CEP68: variants seen among roughly 807,000 people sequenced by gnomAD.
The protein encoded by CEP68 is centrosomal protein 68, also known as centrosomal protein of 68 kDa.
CEP68 carries 26 observed loss-of-function variants against 55.3 expected under a neutral mutation model. The ratio of observed to expected loss-of-function variants is 0.47; its 90% CI spans 0.34 to 0.65. The LOEUF (loss-of-function observed/expected upper bound fraction) is 0.65, where lower values mean the gene tolerates loss of function less well. Ranked by LOEUF, CEP68 falls within the 30% of genes least tolerant of loss-of-function variation. The probability of loss-of-function intolerance (pLI) is 0.01; values close to 1 mark genes in which losing one functional copy is unlikely to be tolerated. For missense variants in CEP68, 957 were observed against 946.7 expected, an observed-to-expected ratio of 1.01 and a Z score of -0.14; for synonymous variants, 402 against 383.2, an observed-to-expected ratio of 1.05 and a Z score of -0.57.
chr2:65,064,280 G>T (rs1158452580), intron 1 of CEP68, among the ~76,000 whole-genome samples: 1 of 152,086 alleles, frequency 6.6e-6, no homozygotes, highest in Non-Finnish European at 1.5e-5. Flanking sequence ...GAATAATGAG[G>T]TCCAGACAAG....
At chr2:65,074,185 A>C in intron 3 of CEP68, 97 bp from the exon 4 acceptor site, 11 of 1,436,530 alleles carry the variant, frequency 7.7e-6, no homozygotes, top group Non-Finnish European at 1.1e-5. Flanking sequence ...GAAGGTGCAC[A>C]GTCTGTCTCC....
intron 5 of CEP68, chr2:65,080,227 C>A: frequency 1.0e-6 from 1 of 984,770 alleles, no homozygotes. Context: ...TCCCACTTTG[C>A]TCTCTCAAGA....
chr2:65,077,988 T>A (rs754862392), intron 5 of CEP68, 24 bp downstream of exon 5: 11 of 1,581,976 alleles, frequency 7.0e-6, no homozygotes, highest in Non-Finnish European at 9.5e-6. Context: ...GGTTTTGGAT[T>A]TAGCCAGAGC....
Position 65,072,757 on chromosome 2 carries a change from A to G in CEP68, c.1661A>G (p.Gln554Arg), listed in dbSNP as rs975193666. ...ALQGSGDPEG[Q>R]NPCFLRSFVR... is the part of the protein sequence containing the mutation. ...CAAGGATCTGGGGATCCTGAGGGCC[A>G]GAATCCCTGTTTCCTGCGCTCCTTC... The change falls in exon 3 of 7, where the codon CAG becomes CGG. Residue 554 changes from glutamine to arginine, a missense_variant. Gln to Arg is a conservative substitution (Grantham distance 43). Coordinates refer to ENST00000377990, the MANE Select transcript of CEP68 (RefSeq NM_015147.3). 1 of 1,614,192 alleles carries G rather than the reference A, an allele frequency of 6.2e-7. No individual in the cohort carries two copies. Among genetic ancestry groups the G allele is most frequent in the East Asian group, 2.2e-5 (1 of 44,874 alleles).
Position 65,072,796 on chromosome 2 carries a change from A to T in CEP68, c.1700A>T (p.Asp567Val), listed in dbSNP as rs368564070. ...CFLRSFVRAH[D>V]SAGEGSLGSS... ...CTGCGCTCCTTCGTCCGTGCCCACGACTCCGCAGGGGAAGGCAGTCTGGGG... is the reference window on the plus strand; with the variant it reads ...CTGCGCTCCTTCGTCCGTGCCCACGTCTCCGCAGGGGAAGGCAGTCTGGGG... Residue 567 changes from aspartate (D) to valine (V), a missense_variant, in exon 3 of 7, where the codon GAC (aspartate) becomes GTC (valine). By Grantham distance (152) the Asp-to-Val change is radical. Transcript: ENST00000377990. 1.9e-6 allele frequency: 3 copies of T among 1,613,800 alleles called. No homozygotes were observed. Among genetic ancestry groups the T allele is most frequent in the Non-Finnish European group, 2.5e-6 (3 of 1,180,008 alleles).
chr2:65,085,465 C>G lies in CEP68; in HGVS notation c.*1831C>G, dbSNP rs941996792. 2 of 152,106 alleles carry G rather than the reference C, an allele frequency of 1.3e-5. No homozygotes were observed. Among genetic ancestry groups the G allele is most frequent in the African/African-American group, 4.8e-5 (2 of 41,388 alleles). The allele number at this position is 152,106 out of a possible 1,614,324, so 9.4% of individuals were successfully genotyped here. A position where few individuals can be genotyped will look rare whatever the true frequency, so the allele number is the denominator to read the frequency against. On this transcript the variant is annotated 3_prime_UTR_variant, in exon 7 of 7. Coordinates refer to ENST00000377990, the MANE Select transcript of CEP68 (RefSeq NM_015147.3). Reference sequence around the variant, plus strand: ...TGTGAATGCTACTGAAGAGTATCAACACAACTGTTAATTATACCGCCGTGC... The same window carrying G: ...TGTGAATGCTACTGAAGAGTATCAAGACAACTGTTAATTATACCGCCGTGC...
chr2:65,069,392 T>G lies in CEP68; in HGVS notation c.-46-7T>G. 1.5e-6 allele frequency: 2 copies of G among 1,344,174 alleles called. No individual in the cohort carries two copies. Among genetic ancestry groups the G allele is most frequent in the Non-Finnish European group, 2.0e-6 (2 of 995,064 alleles). The allele number at this position is 1,344,174 out of a possible 1,614,324, so 83.3% of individuals were successfully genotyped here. A position where few individuals can be genotyped will look rare whatever the true frequency, so the allele number is the denominator to read the frequency against. On this transcript the variant is annotated splice_region_variant and splice_polypyrimidine_tract_variant and intron_variant, in intron 1 of 6. Coordinates refer to ENST00000377990, the MANE Select transcript of CEP68 (RefSeq NM_015147.3). ...TATATTTTTCTCTCCCTTCCCCTGT[T>G]TTGTAGGAAGCTGAAGTCTTCAGCA...
rs532740876 is a variant in CEP68, at chr2:65,068,648, G to A, written c.-46-751G>A. Among the ~76,000 whole-genome samples the A allele has an allele frequency of 5.3e-5, 8 of 152,206 alleles. No individual in the cohort carries two copies. In the East Asian group the frequency reaches 1.6e-3, roughly 30 times the overall value. Reference sequence around the variant, plus strand: ...AGGGTCCCAGCCTGGGCAACATGGTGAAACCCTGTCTCTACTAAAAATAGA... The same window carrying A: ...AGGGTCCCAGCCTGGGCAACATGGTAAAACCCTGTCTCTACTAAAAATAGA... On this transcript the variant is annotated intron_variant, in intron 1 of 6. Transcript: ENST00000377990.
Position 65,070,114 on chromosome 2 carries a change from G to A in CEP68, c.357+313G>A, listed in dbSNP as rs115082042. 6.5e-3 allele frequency among the ~76,000 whole-genome samples: 988 copies of A among 152,294 alleles called. 16 individuals carry two copies. The highest frequency in any genetic ancestry group is 0.022 in the African/African-American group (923 of 41,560). ...GAATTCTGGCAAGGAGAGCCCTGCCGTGTTTCTGACTTGGTGATTAAAGGC... is the reference window on the plus strand; with the variant it reads ...GAATTCTGGCAAGGAGAGCCCTGCCATGTTTCTGACTTGGTGATTAAAGGC... On this transcript the variant is annotated intron_variant, in intron 2 of 6. Coordinates refer to ENST00000377990, the MANE Select transcript of CEP68 (RefSeq NM_015147.3).
intron 5 of CEP68, chr2:65,080,372 G>C: frequency 2.0e-6 from 2 of 985,278 alleles, no homozygotes; most frequent in Non-Finnish European, 2.4e-6. Flanking sequence ...TGAGACGTCA[G>C]TGTCTGTCTC....
rs147020197 is a variant in CEP68 at position 65,080,148 on chromosome 2, C to T, written c.2104+2184C>T. On this transcript the variant is annotated intron_variant, in intron 5 of 6. Transcript: ENST00000377990. ...AATTCCTTCTCAAAAAAAAAAAAGG[C>T]CTCTTAAAAGCTTCAGGTTTTTTGA... 754 of 740,378 alleles carry T rather than the reference C, an allele frequency of 1.0e-3. 1 individual carries two copies. Among genetic ancestry groups the T allele is most frequent in the Non-Finnish European group, 1.2e-3 (714 of 607,306 alleles). 45.9% of individuals were successfully genotyped at this position (740,378 alleles called of 1,614,324 possible).
intron 5 of CEP68, among the ~76,000 whole-genome samples, chr2:65,082,187 AG>A (rs1668859852): frequency 6.6e-6 from 1 of 152,226 alleles, no homozygotes; most frequent in East Asian, 1.9e-4. Context: ...TATGCCCAAG[AG>A]GATCTGGATG....
intron 5 of CEP68, among the ~76,000 whole-genome samples, chr2:65,079,171 C>A (rs527368040): frequency 6.6e-6 from 1 of 152,172 alleles, no homozygotes; most frequent in African/African-American, 2.4e-5. Context: ...GCAGGTCCCA[C>A]GGGCTTGAGA....
chr2:65,060,276 G>T (rs966651283), intron 1 of CEP68, among the ~76,000 whole-genome samples: 1 of 152,180 alleles, frequency 6.6e-6, no homozygotes, highest in Non-Finnish European at 1.5e-5. Context: ...GAAAATGTCT[G>T]CTGAATGGAG....
At chr2:65,078,156 G>GAGGC (rs1241141720) in intron 5 of CEP68, among the ~76,000 whole-genome samples, 192 bp downstream of exon 5, 1 of 152,192 alleles carries the variant, frequency 6.6e-6, no homozygotes, top group African/African-American at 2.4e-5. Flanking sequence ...CACCTGCTTA[G>GAGGC]AGGCAGTCAT....
At chr2:65,065,375 C>T (rs372905191) in intron 1 of CEP68, among the ~76,000 whole-genome samples, 3 of 152,184 alleles carry the variant, frequency 2.0e-5, no homozygotes, top group Admixed American at 6.5e-5. Context: ...TAAACTAGTG[C>T]GTCCTTACAC....
chr2:65,063,831 G>T (rs1442327182), intron 1 of CEP68, among the ~76,000 whole-genome samples: 7 of 152,178 alleles, frequency 4.6e-5, no homozygotes, highest in Admixed American at 4.6e-4. Flanking sequence ...ATTACTTCAG[G>T]AAGTTTTCCC....
chr2:65,077,800 T>C, intron 4 of CEP68, 68 bp from the exon 5 acceptor site: 1 of 1,247,340 alleles, frequency 8.0e-7, no homozygotes, highest in Admixed American at 1.8e-5. Flanking sequence ...ATGCTGTGCT[T>C]TTCAAATAAC....
In CEP68 at chr2:65,084,290, C is replaced by T. The variant is rs1358903853; in HGVS notation, c.*656C>T. Reference sequence around the variant, plus strand: ...TTCTTAGAAGAAAATGTGTCAGGGACTTGGGGATCTACAGTCATGCTTTAG... The same window carrying T: ...TTCTTAGAAGAAAATGTGTCAGGGATTTGGGGATCTACAGTCATGCTTTAG... On this transcript the variant is annotated 3_prime_UTR_variant, in exon 7 of 7. Coordinates refer to ENST00000377990, the MANE Select transcript of CEP68 (RefSeq NM_015147.3). The T allele has an allele frequency of 2.0e-5, 3 of 152,138 alleles. No individual in the cohort carries two copies. The highest frequency in any genetic ancestry group is 4.8e-5 in the African/African-American group (2 of 41,438). The allele number at this position is 152,138 out of a possible 1,614,324, so 9.4% of individuals were successfully genotyped here.
Sources: gnomAD v4.1 joint callset for allele counts (sites outside exome capture counted in the v4.1 genomes callset) on GRCh38, gnomAD v4.1.1 for gene constraint, MANE v1.5 for transcripts, NCBI Gene and HGNC (gene_info 2026-07-23, HGNC 2026-07-21) for gene names.